The following BICDL1 variants were observed in gnomAD, a reference collection of about 807,000 sequenced individuals.
BICDL1 encodes the protein BICD family-like cargo adapter 1.
Under a neutral mutation model 76.8 loss-of-function variants are expected in BICDL1, and 20 were observed. The observed-to-expected ratio is 0.26, with a 90% CI of 0.18 to 0.38. BICDL1 has a LOEUF of 0.38. Among genes scored for constraint, BICDL1 ranks in the 10% least tolerant of loss-of-function variants. BICDL1 has a pLI of 1.00. For missense variants in BICDL1, 700 were observed against 798.6 expected (o/e 0.88, Z 1.49); for synonymous variants, 383 against 337.1 (o/e 1.14, Z -1.49).
intron 4 of BICDL1, among the ~76,000 whole-genome samples, chr12:120,068,488 A>G (rs895570260): frequency 2.6e-4 from 40 of 152,216 alleles, no homozygotes; most frequent in African/African-American, 9.2e-4. Context: ...CTGCTGTATT[A>G]AAAGCAAGTT....
intron 2 of BICDL1, among the ~76,000 whole-genome samples, chr12:120,020,155 G>C (rs1364399083): frequency 3.3e-5 from 5 of 151,924 alleles, no homozygotes; most frequent in Non-Finnish European, 7.4e-5. Flanking sequence ...ACTAATTCCA[G>C]GTCTGAAACA....
At chr12:120,060,490 A>G (rs1220782496) in intron 2 of BICDL1, among the ~76,000 whole-genome samples, 4 of 152,224 alleles carry the variant, frequency 2.6e-5, no homozygotes, top group Non-Finnish European at 5.9e-5. Context: ...TGTATATCAG[A>G]ATCTTACTAG....
intron 2 of BICDL1, among the ~76,000 whole-genome samples, chr12:120,031,242 C>T (rs78396753): frequency 0.014 from 1,969 of 141,404 alleles, 43 homozygotes; most frequent in East Asian, 0.044. Flanking sequence ...CTTGCTCTGT[C>T]GCCCAGGCTG....
intron 4 of BICDL1, among the ~76,000 whole-genome samples, chr12:120,066,384 C>T (rs1046340308): frequency 1.3e-5 from 2 of 152,138 alleles, no homozygotes; most frequent in Admixed American, 1.3e-4. Context: ...TGGCCCTTGC[C>T]TAAAAGAAAC....
At position 120,094,317 on chromosome 12, in the gene BICDL1, C is replaced by T; in HGVS notation, c.*1156C>T. The T allele has an allele frequency of 2.2e-6, 1 of 456,774 alleles. No individual in the cohort carries two copies. The highest frequency in any genetic ancestry group is 4.4e-6 in the Non-Finnish European group (1 of 226,988). The allele number at this position is 456,774 out of a possible 1,614,324, so 28.3% of individuals were successfully genotyped here. Reference sequence around the variant, plus strand: ...AGCAGGGATGCGCGGCAAGAATGTACCTGTAGATGTGTACATACCACAGTG... The same window carrying T: ...AGCAGGGATGCGCGGCAAGAATGTATCTGTAGATGTGTACATACCACAGTG... On this transcript the variant is annotated 3_prime_UTR_variant, in exon 10 of 10. Transcript: ENST00000548673.
intron 5 of BICDL1, 150 bp from the exon 6 acceptor site, chr12:120,072,361 A>G (rs1388012235): frequency 1.5e-6 from 1 of 667,190 alleles, no homozygotes; most frequent in East Asian, 2.7e-5. Flanking sequence ...CTTGGGACAA[A>G]TGAGTTAAAA....
rs1292262302 is a variant in BICDL1 at position 119,989,666 on chromosome 12, G to T, written c.-203G>T. On this transcript the variant is annotated 5_prime_UTR_variant, in exon 1 of 10. Transcript: ENST00000548673. The stretch of plus-strand genomic sequence containing the variant: ...GCGCGCCTGAGCAGCTGAGCCCGGG[G>T]GCGGGGGAGGGGGCGCGTGCCGCCG... Among the ~76,000 whole-genome samples, 2 of 147,906 alleles carry T rather than the reference G, an allele frequency of 1.4e-5. No individual in the cohort carries two copies. The highest frequency in any genetic ancestry group is 3.0e-5 in the Non-Finnish European group (2 of 66,582).
chr12:120,019,652 G>A (rs1362022430), intron 2 of BICDL1, among the ~76,000 whole-genome samples: 1 of 152,076 alleles, frequency 6.6e-6, no homozygotes, highest in Non-Finnish European at 1.5e-5. Flanking sequence ...GTCTCTCTGT[G>A]TTGCCCAGGC....
chr12:120,030,434 C>T (rs921669915), intron 2 of BICDL1, among the ~76,000 whole-genome samples: 11 of 152,160 alleles, frequency 7.2e-5, no homozygotes, highest in African/African-American at 2.7e-4. Flanking sequence ...GTGAGACAGG[C>T]TTGCGTCACT....
chr12:120,039,051 C>CT (rs1952580521), intron 2 of BICDL1, among the ~76,000 whole-genome samples: 1 of 152,176 alleles, frequency 6.6e-6, no homozygotes, highest in South Asian at 2.1e-4. Flanking sequence ...AAACCCAGCA[C>CT]TTTGGGAGGC....
chr12:120,028,061 T>C (rs1952344816), intron 2 of BICDL1, among the ~76,000 whole-genome samples: 1 of 152,184 alleles, frequency 6.6e-6, no homozygotes, highest in South Asian at 2.1e-4. Context: ...TCAGAATTCA[T>C]TGGGAAATTG....
intron 2 of BICDL1, among the ~76,000 whole-genome samples, chr12:120,029,245 G>C (rs188261089): frequency 6.6e-6 from 1 of 152,216 alleles, no homozygotes; most frequent in East Asian, 1.9e-4. Flanking sequence ...GCAACCCCAG[G>C]GCGGTATTCT....
At chr12:120,084,728 A>G (rs1874262425) in intron 8 of BICDL1, among the ~76,000 whole-genome samples, 2 of 151,604 alleles carry the variant, frequency 1.3e-5, no homozygotes, top group Middle Eastern at 3.4e-3. Flanking sequence ...CGTCTCTACT[A>G]AAAATACAAC....
At chr12:120,020,104 A>T (rs758030427) in intron 2 of BICDL1, among the ~76,000 whole-genome samples, 23 of 152,242 alleles carry the variant, frequency 1.5e-4, no homozygotes, top group Admixed American at 4.6e-4. Flanking sequence ...CCCAGTGCCC[A>T]TATTTTAATT....
In BICDL1 at chr12:120,081,193, A is replaced by G. The variant is rs866891910; in HGVS notation, c.1583+176A>G. ...CATTCCCATTCTCCTCCCCAGACAC[A>G]TGCTGGTATTGAAAGTTAGCTGTGC... On this transcript the variant is annotated intron_variant, in intron 8 of 9. Transcript: ENST00000548673. Among the ~76,000 whole-genome samples, 364 of 82,480 alleles carry G rather than the reference A, an allele frequency of 4.4e-3. 3 individuals carry two copies. The Middle Eastern group carries it at 0.051, about 12-fold the overall frequency. 54.1% of individuals were successfully genotyped at this position (82,480 alleles called of 152,430 possible).
intron 2 of BICDL1, among the ~76,000 whole-genome samples, chr12:120,002,241 C>T (rs1951773563): frequency 6.6e-6 from 1 of 152,122 alleles, no homozygotes; most frequent in South Asian, 2.1e-4. Flanking sequence ...AATTTGATTA[C>T]CTATGTAAAG....
At chr12:120,038,877 C>T (rs966473291) in intron 2 of BICDL1, among the ~76,000 whole-genome samples, 59 of 152,234 alleles carry the variant, frequency 3.9e-4, no homozygotes, top group East Asian at 1.9e-3. Context: ...CCAATTGGCA[C>T]GGGTGCCTGG....
intron 8 of BICDL1, among the ~76,000 whole-genome samples, chr12:120,082,527 T>A (rs182718343): frequency 6.6e-6 from 1 of 152,190 alleles, no homozygotes; most frequent in East Asian, 1.9e-4. Flanking sequence ...GTCCTGGGAT[T>A]ACAGGCATGA....
chr12:120,078,032 C>T (rs1191967104), intron 7 of BICDL1, among the ~76,000 whole-genome samples: 2 of 152,198 alleles, frequency 1.3e-5, no homozygotes, highest in Non-Finnish European at 2.9e-5. Context: ...GGCACATGCA[C>T]CCCATGCTAC....
Sources: allele counts gnomAD v4.1 joint callset (sites outside exome capture counted in the v4.1 genomes callset), GRCh38; gene constraint gnomAD v4.1.1; transcripts MANE v1.5; gene names NCBI Gene and HGNC (gene_info 2026-07-23, HGNC 2026-07-21).